Variants in WDR27 observed in about 807,000 individuals in gnomAD.
WDR27 encodes WD repeat domain 27, also known as WD repeat-containing protein 27.
WDR27 carries 100 observed loss-of-function variants against 114.4 expected under a neutral mutation model. The ratio of observed to expected loss-of-function variants is 0.87; its 90% CI spans 0.74 to 1.03. The LOEUF (loss-of-function observed/expected upper bound fraction) is 1.03, where lower values mean the gene tolerates loss of function less well. WDR27 is among the 50% of genes least tolerant of loss of function. The probability of loss-of-function intolerance (pLI) is 0.00; values close to 1 mark genes in which losing one functional copy is unlikely to be tolerated. For missense variants in WDR27, 1,129 were observed against 1,092.9 expected (o/e 1.03, Z -0.47); for synonymous variants, 449 against 423.1 (o/e 1.06, Z -0.75).
Position 169,585,110 on chromosome 6 carries a change from C to T in WDR27, c.2425-2176G>A, listed in dbSNP as rs1243443770. Among the ~76,000 whole-genome samples, 5 of 152,180 alleles carry T rather than the reference C, an allele frequency of 3.3e-5. No individual in the cohort carries two copies. In the East Asian group the frequency reaches 9.6e-4, roughly 29 times the overall value. On this transcript the variant is annotated intron_variant, in intron 23 of 25. Coordinates refer to ENST00000448612, the MANE Select transcript of WDR27 (RefSeq NM_182552.5). ...GTTAGGAAAACTGGATTTCTGCACA[C>T]AAAAGAATGAAATTGGACCTTTATT...
chr6:169,634,902 A>AC (rs1817299757), intron 19 of WDR27, among the ~76,000 whole-genome samples: 1 of 152,088 alleles, frequency 6.6e-6, no homozygotes, highest in South Asian at 2.1e-4. Flanking sequence ...GCCTCCCGAA[A>AC]CCCAACTGAA....
At chr6:169,608,863 C>A (rs551166599) in intron 22 of WDR27, among the ~76,000 whole-genome samples, 1 of 152,170 alleles carries the variant, frequency 6.6e-6, no homozygotes, top group Admixed American at 6.5e-5. Flanking sequence ...TGCCTATGAG[C>A]CTGTAATATC....
intron 18 of WDR27, among the ~76,000 whole-genome samples, chr6:169,636,780 A>G (rs938158754): frequency 1.3e-5 from 2 of 152,246 alleles, no homozygotes; most frequent in African/African-American, 4.8e-5. Flanking sequence ...ACTAAGTACC[A>G]AAGATTTTAT....
At position 169,647,843 on chromosome 6, in the gene WDR27, C is replaced by T; in HGVS notation, c.1587G>A (p.Val529=). 6.3e-7 allele frequency: 1 copy of T among 1,577,306 alleles called. No homozygotes were observed. ...AREAYPVECA[V]PTKPGPQVAA... is the part of the protein sequence containing the mutation. ...CGACCTGGGGGCCGGGCTTGGTGGG[C>T]ACAGCGCACTCCACGGGGTATGCCT... The change falls in exon 16 of 26, where the codon GTG becomes GTA. Residue 529 remains valine, a synonymous_variant. Transcript: ENST00000448612.
intron 25 of WDR27, among the ~76,000 whole-genome samples, chr6:169,509,312 G>A (rs1171982958): frequency 3.7e-4 from 56 of 152,194 alleles, no homozygotes; most frequent in African/African-American, 8.9e-4. Context: ...AAAAGAGCCC[G>A]CATTGCCAAG....
In WDR27 at chr6:169,666,737, G is replaced by A. The variant is rs559405492; in HGVS notation, c.712+399C>T. ...ACACGTGCTCAGGACCTGACCATGAGGCCAGGTGTGGCGCACGCCCAAGCT... is the reference window on the plus strand; with the variant it reads ...ACACGTGCTCAGGACCTGACCATGAAGCCAGGTGTGGCGCACGCCCAAGCT... On this transcript the variant is annotated intron_variant, in intron 6 of 25. Transcript: ENST00000448612. The A allele has an allele frequency of 1.4e-5, 14 of 992,366 alleles. No individual in the cohort carries two copies. The South Asian group carries it at 5.1e-4, about 36-fold the overall frequency. The allele number at this position is 992,366 out of a possible 1,614,324, so 61.5% of individuals were successfully genotyped here. A position where few individuals can be genotyped will look rare whatever the true frequency, so the allele number is the denominator to read the frequency against.
At chr6:169,522,517 A>C in intron 25 of WDR27, among the ~76,000 whole-genome samples, 1 of 152,014 alleles carries the variant, frequency 6.6e-6, no homozygotes, top group East Asian at 1.9e-4. Flanking sequence ...CAGAATACAT[A>C]CTCCTTTCAT....
intron 25 of WDR27, among the ~76,000 whole-genome samples, chr6:169,489,503 G>C (rs988172467): frequency 6.6e-6 from 1 of 152,192 alleles, no homozygotes; most frequent in Non-Finnish European, 1.5e-5. Flanking sequence ...GGGCAGTCAA[G>C]GCCGTCGCCC....
chr6:169,647,400 G>A (rs1458118722), intron 16 of WDR27, among the ~76,000 whole-genome samples: 1 of 152,234 alleles, frequency 6.6e-6, no homozygotes. Flanking sequence ...GTCTCCAGAG[G>A]GAAGCAGTGA....
chr6:169,442,232 AT>A, the WDR27 span, among the ~76,000 whole-genome samples: 1 of 152,236 alleles, frequency 6.6e-6, no homozygotes, highest in Non-Finnish European at 1.5e-5. Context: ...TGTTAATCAC[AT>A]CTTTATCAAT....
At chr6:169,675,096 A>G (rs1416332764) in intron 2 of WDR27, among the ~76,000 whole-genome samples, 1 of 152,206 alleles carries the variant, frequency 6.6e-6, no homozygotes, top group African/African-American at 2.4e-5. Context: ...TGCAGGTCAC[A>G]GGGGATATGA....
chr6:169,581,227 T>A (rs1803363298), intron 24 of WDR27, among the ~76,000 whole-genome samples: 1 of 152,150 alleles, frequency 6.6e-6, no homozygotes, highest in Non-Finnish European at 1.5e-5. Context: ...TTCAAAAACA[T>A]TCTGTCAGTC....
At chr6:169,699,129 A>T (rs1022183131) in intron 1 of WDR27, among the ~76,000 whole-genome samples, 16 of 152,234 alleles carry the variant, frequency 1.1e-4, no homozygotes, top group Admixed American at 1.3e-4. Context: ...ACAGGAAATT[A>T]TTGCAAAGAA....
At chr6:169,447,168 G>A in the WDR27 span, among the ~76,000 whole-genome samples, 2,031 of 152,186 alleles carry the variant, frequency 0.013, 42 homozygotes, top group African/African-American at 0.046. Flanking sequence ...TCATATTATA[G>A]CACTAACTAC....
At chr6:169,679,442 G>C (rs1187782435) in intron 2 of WDR27, among the ~76,000 whole-genome samples, 1 of 152,232 alleles carries the variant, frequency 6.6e-6, no homozygotes, top group Non-Finnish European at 1.5e-5. Flanking sequence ...GATATAGTCT[G>C]CATGTCCCCT....
chr6:169,669,613 A>G (rs1778170505), intron 4 of WDR27: 1 of 152,234 alleles, frequency 6.6e-6, no homozygotes, highest in Admixed American at 6.5e-5. Context: ...ATGTTAATCT[A>G]TCACAGGATG....
chr6:169,455,195 A>G (rs1784303029), downstream of WDR27, among the ~76,000 whole-genome samples: 1 of 152,234 alleles, frequency 6.6e-6, no homozygotes, highest in African/African-American at 2.4e-5. Flanking sequence ...TCAAGTCGAC[A>G]GACTTTGCAC....
In WDR27 at chr6:169,701,862, AG is replaced by A. The variant is rs1205091074; in HGVS notation, c.-320del. On this transcript the variant is annotated 5_prime_UTR_variant, in exon 1 of 26. Transcript: ENST00000448612. ...CCTGCGCCCTAGGCACACGCCCCAG[AG>A]CAGCAGCTCGGGTTCGGCGCCGACT... is the stretch of plus-strand genomic sequence containing the variant. 3.2e-5 allele frequency: 11 copies of A among 339,484 alleles called. No homozygotes were observed. Among genetic ancestry groups the A allele is most frequent in the African/African-American group, 2.0e-4 (9 of 44,738 alleles). 21.0% of individuals were successfully genotyped at this position (339,484 alleles called of 1,614,324 possible).
chr6:169,548,077 A>G (rs1476337074), intron 25 of WDR27, among the ~76,000 whole-genome samples: 1 of 152,232 alleles, frequency 6.6e-6, no homozygotes, highest in Non-Finnish European at 1.5e-5. Context: ...AAAACACAAT[A>G]TCATTTACAT....
Sources: gnomAD v4.1 joint callset for allele counts (sites outside exome capture counted in the v4.1 genomes callset) on GRCh38, gnomAD v4.1.1 for gene constraint, MANE v1.5 for transcripts, NCBI Gene and HGNC (gene_info 2026-07-23, HGNC 2026-07-21) for gene names.